Variants in ARHGAP8 observed in about 807,000 individuals in gnomAD.
ARHGAP8 encodes Rho GTPase activating protein 8, also known as rho GTPase-activating protein 8.
A neutral mutation model predicts 46.1 loss-of-function variants in ARHGAP8; 62 were observed. The observed-to-expected ratio is 1.34, with a 90% CI of 1.10 to 1.66. The LOEUF is 1.66. ARHGAP8 is among the 40% of genes most tolerant of loss of function. ARHGAP8 has a pLI of 0.00. For synonymous variants in ARHGAP8, 375 were observed against 243.1 expected (o/e 1.54, Z -5.05); for missense variants, 923 against 568.4 (o/e 1.62, Z -6.34).
intron 7 of ARHGAP8, among the ~76,000 whole-genome samples, chr22:44,827,681 A>T (rs1349787458): frequency 6.6e-6 from 1 of 152,132 alleles, no homozygotes; most frequent in Non-Finnish European, 1.5e-5. Flanking sequence ...GACGGTAGTT[A>T]CTGGGACCAC....
At chr22:44,754,154 C>G (rs576295197) in intron 1 of ARHGAP8, among the ~76,000 whole-genome samples, 1 of 152,158 alleles carries the variant, frequency 6.6e-6, no homozygotes, top group African/African-American at 2.4e-5. Context: ...TTTGTGGGAG[C>G]TTAGGAAGGG....
At chr22:44,860,689 T>C (rs1332451119) in intron 11 of ARHGAP8, among the ~76,000 whole-genome samples, 1 of 152,188 alleles carries the variant, frequency 6.6e-6, no homozygotes, top group African/African-American at 2.4e-5. Flanking sequence ...TTCAGTGCTC[T>C]GGGCCTGGGC....
intron 2 of ARHGAP8, among the ~76,000 whole-genome samples, chr22:44,797,788 G>GT (rs1296823473): frequency 6.6e-6 from 1 of 152,108 alleles, no homozygotes; most frequent in Non-Finnish European, 1.5e-5. Context: ...GTGCATGTGA[G>GT]TACGTGTGTG....
intron 11 of ARHGAP8, among the ~76,000 whole-genome samples, 178 bp downstream of exon 11, chr22:44,860,012 G>A (rs1035222514): frequency 5.4e-5 from 6 of 110,428 alleles, no homozygotes; most frequent in African/African-American, 1.8e-4. Flanking sequence ...CACCCATGCT[G>A]CTGCGGACCT....
chr22:44,755,225 A>G (rs1028949937), intron 1 of ARHGAP8, among the ~76,000 whole-genome samples: 5 of 152,322 alleles, frequency 3.3e-5, no homozygotes, highest in East Asian at 3.9e-4. Context: ...TGCTGCAGCT[A>G]CAGTGTTCCC....
At chr22:44,859,292 T>C (rs532929758) in intron 10 of ARHGAP8, among the ~76,000 whole-genome samples, 30 of 152,210 alleles carry the variant, frequency 2.0e-4, no homozygotes, top group Admixed American at 6.5e-4. Context: ...ACCTCATGGG[T>C]TGGTGCTGTC....
intron 10 of ARHGAP8, chr22:44,849,390 C>A (rs1043474559): frequency 3.0e-6 from 1 of 331,056 alleles, no homozygotes; most frequent in South Asian, 3.4e-5. Context: ...CCTGTAACCG[C>A]TCCCAGGCCC....
intron 10 of ARHGAP8, among the ~76,000 whole-genome samples, chr22:44,853,204 C>T (rs1400206300): frequency 6.6e-6 from 1 of 152,134 alleles, no homozygotes; most frequent in African/African-American, 2.4e-5. Flanking sequence ...AGCAGCTGGC[C>T]AGTGAATTCC....
rs764995745 is a variant in ARHGAP8 at position 44,859,791 on chromosome 22, A to C, written c.938A>C (p.His313Pro). The C allele has an allele frequency of 1.1e-5, 18 of 1,613,948 alleles. No individual in the cohort carries two copies. Among genetic ancestry groups the C allele is most frequent in the Admixed American group, 1.0e-4 (6 of 60,004 alleles). The part of the protein sequence containing the change: ...CRQILRSLPE[H>P]NYVVLRYLMG... The stretch of plus-strand genomic sequence containing the variant: ...CAGATCTTACGGAGCCTCCCAGAGC[A>C]CAACTACGTCGTCCTCCGCTACCTC... The change falls in exon 11 of 12, where the codon CAC becomes CCC. Residue 313 changes from histidine (H) to proline (P), a missense_variant. Coordinates refer to ENST00000356099, the MANE Select transcript of ARHGAP8 (RefSeq NM_181335.3).
chr22:44,770,620 G>C (rs1925928310), intron 1 of ARHGAP8, among the ~76,000 whole-genome samples: 1 of 152,092 alleles, frequency 6.6e-6, no homozygotes, highest in East Asian at 1.9e-4. Flanking sequence ...TGCCCAGGCT[G>C]GTCTCACACT....
At chr22:44,826,025 C>G (rs1302576237) in intron 7 of ARHGAP8, among the ~76,000 whole-genome samples, 2 of 152,032 alleles carry the variant, frequency 1.3e-5, no homozygotes, top group Non-Finnish European at 2.9e-5. Context: ...CAGCTTCCAT[C>G]ACTGCTGCCC....
At chr22:44,825,407 TCCAGCCCCAC>T (rs1930436550) in intron 6 of ARHGAP8, 66 bp from the exon 7 acceptor site, 36 of 1,485,550 alleles carry the variant, frequency 2.4e-5, no homozygotes, top group Non-Finnish European at 2.9e-5. Flanking sequence ...AGGTGGGGCA[TCCAGCCCCAC>T]CCAGCGCCTC....
chr22:44,832,046 A>G (rs1930982638), intron 7 of ARHGAP8, among the ~76,000 whole-genome samples: 1 of 152,026 alleles, frequency 6.6e-6, no homozygotes, highest in East Asian at 1.9e-4. Context: ...ACCAATTTTG[A>G]GGGTATTGCC....
chr22:44,862,179 ACTACAC>A (rs1351901259), intron 11 of ARHGAP8, 90 bp from the exon 12 acceptor site: 4 of 1,449,648 alleles, frequency 2.8e-6, no homozygotes, highest in Non-Finnish European at 3.7e-6. Flanking sequence ...TGCTCCTCTC[ACTACAC>A]CTACGCCTCT....
intron 2 of ARHGAP8, among the ~76,000 whole-genome samples, chr22:44,793,629 C>T (rs1927867657): frequency 1.3e-5 from 2 of 152,158 alleles, no homozygotes; most frequent in African/African-American, 2.4e-5. Context: ...AATGATGACT[C>T]GCCCCACGCA....
chr22:44,851,374 T>A (rs1164556301), intron 10 of ARHGAP8, among the ~76,000 whole-genome samples: 1 of 152,042 alleles, frequency 6.6e-6, no homozygotes, highest in African/African-American at 2.4e-5. Context: ...AAGTTTTACA[T>A]GACACAGGAG....
Position 44,846,836 on chromosome 22 carries a change from C to T in ARHGAP8, c.671-1137C>T, listed in dbSNP as rs574976037. 3.0e-4 allele frequency among the ~76,000 whole-genome samples: 45 copies of T among 151,958 alleles called. 1 individual carries two copies. The highest frequency in any genetic ancestry group is 9.7e-4 in the African/African-American group (40 of 41,428). ...CCGAGAGCTGCCCAGATGCTGACTT[C>T]CATCAGGGAGAAGGCCCTGCCAGAC... On this transcript the variant is annotated intron_variant, in intron 8 of 11. Coordinates refer to ENST00000356099, the MANE Select transcript of ARHGAP8 (RefSeq NM_181335.3).
chr22:44,830,947 T>A (rs775305350), intron 7 of ARHGAP8, among the ~76,000 whole-genome samples: 1 of 152,274 alleles, frequency 6.6e-6, no homozygotes, highest in Admixed American at 6.5e-5. Context: ...TTTTCATGTA[T>A]TATCGGCCAT....
intron 7 of ARHGAP8, among the ~76,000 whole-genome samples, chr22:44,832,653 T>C (rs190899515): frequency 8.5e-5 from 13 of 152,304 alleles, no homozygotes; most frequent in Admixed American, 8.5e-4. Flanking sequence ...TATTTTTGTG[T>C]GTGGATTTTT....
Sources: gnomAD v4.1 joint callset for allele counts (sites outside exome capture counted in the v4.1 genomes callset) on GRCh38, gnomAD v4.1.1 for gene constraint, MANE v1.5 for transcripts, NCBI Gene and HGNC (gene_info 2026-07-23, HGNC 2026-07-21) for gene names.